LRRC41: variants seen among roughly 807,000 people sequenced by gnomAD.
The protein encoded by LRRC41 is leucine-rich repeat-containing protein 41.
A neutral mutation model predicts 72.1 loss-of-function variants in LRRC41; 17 were observed. The observed-to-expected ratio is 0.24, with a 90% CI of 0.16 to 0.35. The LOEUF (loss-of-function observed/expected upper bound fraction) is 0.35. Ranked by LOEUF, LRRC41 falls within the 10% of genes least tolerant of loss-of-function variation. The pLI, the probability that LRRC41 is intolerant of heterozygous loss-of-function variation, is 1.00. For synonymous variants in LRRC41, 427 were observed against 431.0 expected (o/e 0.99, Z 0.11); for missense variants, 759 against 1,065.0 (o/e 0.71, Z 4.00).
chr1:46,286,158 G>A lies in LRRC41; in HGVS notation c.699C>T (p.Tyr233=), dbSNP rs773698412. The A allele has an allele frequency of 6.2e-7, 1 of 1,614,258 alleles. No individual in the cohort carries two copies. Among genetic ancestry groups the A allele is most frequent in the Non-Finnish European group, 8.5e-7 (1 of 1,180,044 alleles). Residue 233 remains tyrosine (Y), a synonymous_variant, in exon 4 of 10, where the codon TAC becomes TAT. Coordinates refer to ENST00000617190, the MANE Select transcript of LRRC41 (RefSeq NM_006369.5). The surrounding 1 kb of genome is among the most constrained non-coding windows in gnomAD (Gnocchi z 5.5). ...HHGAVSQVSL[Y]SWPVPESALF... is the part of the protein sequence containing the mutation. ...GGGCTGACTCAGGCACAGGCCAGGAGTATAGCGACACTTGACTGACAGCCC... is the reference window on the plus strand; with the variant it reads ...GGGCTGACTCAGGCACAGGCCAGGAATATAGCGACACTTGACTGACAGCCC...
At chr1:46,280,319 T>C (rs372400131) in intron 6 of LRRC41, 29 bp from the exon 7 acceptor site, 26 of 1,612,538 alleles carry the variant, frequency 1.6e-5, no homozygotes, top group African/African-American at 2.7e-5. Flanking sequence ...CCATGGACCA[T>C]GGACCTTAGC....
At chr1:46,290,866 C>T in intron 3 of LRRC41, among the ~76,000 whole-genome samples, 1 of 150,022 alleles carries the variant, frequency 6.7e-6, no homozygotes, top group East Asian at 2.0e-4. Context: ...CCTTGGCCTC[C>T]CAAAGTGTTG....
chr1:46,281,159 G>A lies in LRRC41; in HGVS notation c.1722C>T (p.Pro574=), dbSNP rs780765565. 2.5e-6 allele frequency: 4 copies of A among 1,614,098 alleles called. No individual in the cohort carries two copies. Among genetic ancestry groups the A allele is most frequent in the Non-Finnish European group, 3.4e-6 (4 of 1,179,968 alleles). The change falls in exon 5 of 10, where the codon CCC becomes CCT. Residue 574 remains proline, a synonymous_variant. Coordinates refer to ENST00000617190, the MANE Select transcript of LRRC41 (RefSeq NM_006369.5). ...CCTCATCGCCTATTATGTGGCTAGG[G>A]GGCCCTGCATTCCCTGGCACACCAG... ...DNPGVPGNAG[P]PSHIIGDEEI...
Position 46,280,253 on chromosome 1 carries a change from G to A in LRRC41, c.1959C>T (p.Asp653=), listed in dbSNP as rs561646606. The stretch of plus-strand genomic sequence containing the variant: ...CGCTCTGACAGTCAGCGAGATTCAT[G>A]TCATGGAAGCTCAGTCTTTTCAGGG... The part of the protein sequence containing the change: ...NLALKRLSFH[D]MNLADCQSEV... Residue 653 remains aspartate, a synonymous_variant, in exon 7 of 10, where the codon GAC becomes GAT. Transcript: ENST00000617190. 1 of 1,614,144 alleles carries A rather than the reference G, an allele frequency of 6.2e-7. No homozygotes were observed. Among genetic ancestry groups the A allele is most frequent in the African/African-American group, 1.3e-5 (1 of 75,048 alleles).
At position 46,302,471 on chromosome 1, in the gene LRRC41, C is replaced by A. The variant is rs988510883; in HGVS notation, c.199+653G>T. On this transcript the variant is annotated intron_variant, in intron 1 of 9. Transcript: ENST00000617190. This position sits in a 1 kb window ranked among gnomAD's most constrained non-coding sequence, Gnocchi z 4.7. ...TTAGTCAGTTTGGCACCCGAGACCC[C>A]GGTTGTCGGTTCGCTCCCGTCAGCC... 8 of 985,272 alleles carry A rather than the reference C, an allele frequency of 8.1e-6. No individual in the cohort carries two copies. Among genetic ancestry groups the A allele is most frequent in the Non-Finnish European group, 9.6e-6 (8 of 829,912 alleles). 61.0% of individuals were successfully genotyped at this position (985,272 alleles called of 1,614,324 possible).
rs1358463540 is a variant in LRRC41, at chr1:46,302,726, GC to G, written c.199+397del. ...CCTTAGGCCGGGCCTCCTAACCTCGGCCCCTGCCCTAGGGCAGCCGGGCCAT... is the reference window on the plus strand; with the variant it reads ...CCTTAGGCCGGGCCTCCTAACCTCGGCCCTGCCCTAGGGCAGCCGGGCCAT... On this transcript the variant is annotated intron_variant, in intron 1 of 9. Coordinates refer to ENST00000617190, the MANE Select transcript of LRRC41 (RefSeq NM_006369.5). This position sits in a 1 kb window ranked among gnomAD's most constrained non-coding sequence, Gnocchi z 4.7. 3 of 984,722 alleles carry G rather than the reference GC, an allele frequency of 3.0e-6. No homozygotes were observed. The highest frequency in any genetic ancestry group is 3.5e-5 in the African/African-American group (2 of 57,090). 61.0% of individuals were successfully genotyped at this position (984,722 alleles called of 1,614,324 possible).
intron 3 of LRRC41, among the ~76,000 whole-genome samples, chr1:46,293,009 C>A (rs1162710925): frequency 6.6e-6 from 1 of 152,022 alleles, no homozygotes; most frequent in Non-Finnish European, 1.5e-5. Flanking sequence ...CATGGTGAAA[C>A]CTCATCTCTA....
chr1:46,301,668 T>C (rs535331829), intron 1 of LRRC41, among the ~76,000 whole-genome samples: 1 of 151,558 alleles, frequency 6.6e-6, no homozygotes, highest in East Asian at 2.0e-4. Flanking sequence ...CCCCTCCTCA[T>C]GGCATAACTC....
chr1:46,298,069 G>A (rs1430218567), intron 2 of LRRC41, among the ~76,000 whole-genome samples: 1 of 152,118 alleles, frequency 6.6e-6, no homozygotes, highest in African/African-American at 2.4e-5. Context: ...ATTAATTGTG[G>A]TGTGCCTGTG....
rs768338071 is a variant in LRRC41, at chr1:46,280,388, G to A, written c.1921+8C>T. 6.2e-7 allele frequency: 1 copy of A among 1,614,154 alleles called. No individual in the cohort carries two copies. The highest frequency in any genetic ancestry group is 1.7e-5 in the Admixed American group (1 of 60,030). The stretch of plus-strand genomic sequence containing the variant: ...TCCTCTCCCTTCACCATTCTGGCTG[G>A]GTCCTACCTTTGAGTGTTTGCAAAA... On this transcript the variant is annotated splice_region_variant and intron_variant, in intron 6 of 9. Transcript: ENST00000617190.
At chr1:46,297,966 AC>A (rs1431509184) in intron 2 of LRRC41, among the ~76,000 whole-genome samples, 1 of 152,196 alleles carries the variant, frequency 6.6e-6, no homozygotes, top group African/African-American at 2.4e-5. Context: ...GTTAAATGTT[AC>A]CTGTTAACAG....
chr1:46,279,868 C>A lies in LRRC41; in HGVS notation c.2021-254G>T, dbSNP rs1351685392. ...TCCTTCTTTCCCTAACACTGGCCAC[C>A]CTCTATGCGGGGGTGGGGATCAGAG... On this transcript the variant is annotated intron_variant, in intron 7 of 9. Transcript: ENST00000617190. This position sits in a 1 kb window ranked among gnomAD's most constrained non-coding sequence, Gnocchi z 4.5. Among the ~76,000 whole-genome samples the A allele has an allele frequency of 2.0e-5, 3 of 152,154 alleles. No homozygotes were observed. The highest frequency in any genetic ancestry group is 2.0e-4 in the Admixed American group (3 of 15,262).
chr1:46,294,422 T>A (rs1437341263), intron 3 of LRRC41, among the ~76,000 whole-genome samples: 1 of 151,896 alleles, frequency 6.6e-6, no homozygotes, highest in Non-Finnish European at 1.5e-5. Context: ...CTTTCTTTTT[T>A]TAAGAGACGT....
At chr1:46,292,478 G>A (rs1322379143) in intron 3 of LRRC41, among the ~76,000 whole-genome samples, 1 of 152,152 alleles carries the variant, frequency 6.6e-6, no homozygotes, top group Non-Finnish European at 1.5e-5. Flanking sequence ...CCCTCCAATA[G>A]CATAGTAAAA....
chr1:46,288,256 T>C (rs1569647640), intron 3 of LRRC41, among the ~76,000 whole-genome samples: 1 of 152,130 alleles, frequency 6.6e-6, no homozygotes, highest in Admixed American at 6.5e-5. Context: ...GTTTCTAATT[T>C]AAGATGATCC....
Position 46,286,110 on chromosome 1 carries a change from C to T in LRRC41, c.747G>A (p.Met249Ile), listed in dbSNP as rs1450545147. ...ESALFILILT[M>I]SAGFWQPGPG... ...GCCCTGGTTGCCAGAAGCCAGCACT[C>T]ATGGTGAGAATAAGGATGAAAAGGG... Residue 249 changes from methionine to isoleucine, a missense_variant, in exon 4 of 10, where the codon ATG becomes ATA. Around this residue, in one of 4 missense-constraint regions of LRRC41, gnomAD observed 427 missense variants for 520.9 expected, o/e 0.82. Transcript: ENST00000617190. This position sits in a 1 kb window ranked among gnomAD's most constrained non-coding sequence, Gnocchi z 5.5. The T allele has an allele frequency of 6.2e-7, 1 of 1,614,162 alleles. No individual in the cohort carries two copies. The highest frequency in any genetic ancestry group is 1.7e-5 in the Admixed American group (1 of 60,032).
chr1:46,297,643 G>A lies in LRRC41; in HGVS notation c.287-10C>T, dbSNP rs910190918. ...GCCTGAGTTGAGAGGCCTGTAAGGA[G>A]AAATATCACACTTGGCTGCTTACTG... is the stretch of plus-strand genomic sequence containing the variant. On this transcript the variant is annotated splice_polypyrimidine_tract_variant and intron_variant, in intron 2 of 9. Transcript: ENST00000617190. 19 of 1,609,444 alleles carry A rather than the reference G, an allele frequency of 1.2e-5. No homozygotes were observed. The highest frequency in any genetic ancestry group is 1.6e-5 in the Non-Finnish European group (19 of 1,175,904).
chr1:46,303,021 G>A (rs1308129315), intron 1 of LRRC41, 103 bp downstream of exon 1: 2 of 1,329,780 alleles, frequency 1.5e-6, no homozygotes, highest in East Asian at 3.1e-5. Context: ...AGCGCCCCAG[G>A]CTGGGCCTTG....
rs550594803 is a variant in LRRC41 at position 46,281,257 on chromosome 1, C to T, written c.1624G>A (p.Ala542Thr). ...AGCAGGGGCAGTGCTCGCACGATAG[C>T]ACGTGTCAGCTCCAGGATGGGCAGT... is the stretch of plus-strand genomic sequence containing the variant. ...SPLPILELTR[A>T]IVRALPLLRV... The change falls in exon 5 of 10, where the codon GCT becomes ACT. Residue 542 changes from alanine to threonine, a missense_variant. Ala to Thr is a moderately conservative substitution (Grantham distance 58). Transcript: ENST00000617190. 6.2e-7 allele frequency: 1 copy of T among 1,614,080 alleles called. No homozygotes were observed. Among genetic ancestry groups the T allele is most frequent in the Non-Finnish European group, 8.5e-7 (1 of 1,180,042 alleles).
Sources: gnomAD v4.1 joint callset for allele counts (sites outside exome capture counted in the v4.1 genomes callset) on GRCh38, gnomAD v4.1.1 for gene constraint, gnomAD v4.1.1 regional missense constraint, Gnocchi (gnomAD v3.1) non-coding constraint, MANE v1.5 for transcripts, NCBI Gene and HGNC (gene_info 2026-07-23, HGNC 2026-07-21) for gene names.